SLC44A5: variants seen among roughly 807,000 people sequenced by gnomAD.
SLC44A5 encodes the protein solute carrier family 44 member 5.
In SLC44A5, 57 loss-of-function variants were observed where a neutral mutation model predicts 101.8. The observed-to-expected ratio is 0.56, with a 90% CI of 0.45 to 0.70. The LOEUF is 0.70. Ranked by LOEUF, SLC44A5 falls within the 30% of genes least tolerant of loss-of-function variation. SLC44A5 has a pLI of 0.00. For synonymous variants in SLC44A5, 281 were observed against 290.9 expected, an observed-to-expected ratio of 0.97 and a Z score of 0.35; for missense variants, 737 against 853.1, an observed-to-expected ratio of 0.86 and a Z score of 1.70.
At chr1:75,430,429 T>C (rs1404264075) in intron 2 of SLC44A5, among the ~76,000 whole-genome samples, 1 of 152,220 alleles carries the variant, frequency 6.6e-6, no homozygotes, top group Admixed American at 6.5e-5. Flanking sequence ...TATTTTGTTA[T>C]AGAAGCGCAA....
chr1:75,682,039 A>T, the SLC44A5 span, among the ~76,000 whole-genome samples: 1 of 152,200 alleles, frequency 6.6e-6, no homozygotes, highest in Non-Finnish European at 1.5e-5. Flanking sequence ...TAGGAATCCA[A>T]CTTACAAAGG....
intron 2 of SLC44A5, among the ~76,000 whole-genome samples, chr1:75,436,543 C>T (rs1005757803): frequency 2.0e-5 from 3 of 152,036 alleles, no homozygotes; most frequent in Non-Finnish European, 2.9e-5. Flanking sequence ...ATGGGAGATG[C>T]TTTGGGTGAG....
chr1:75,303,530 G>A (rs763330533), intron 4 of SLC44A5, among the ~76,000 whole-genome samples: 9 of 152,152 alleles, frequency 5.9e-5, no homozygotes, highest in African/African-American at 1.9e-4. Flanking sequence ...CACCGCACCC[G>A]GCGGAAGTTT....
the SLC44A5 span, among the ~76,000 whole-genome samples, chr1:75,697,541 C>T: frequency 3.3e-5 from 5 of 152,146 alleles, no homozygotes; most frequent in Admixed American, 3.3e-4. Flanking sequence ...AATCCTAGCA[C>T]TTTGGGAAGC....
chr1:75,485,928 C>T (rs933732870), intron 2 of SLC44A5, among the ~76,000 whole-genome samples: 3 of 152,012 alleles, frequency 2.0e-5, no homozygotes, highest in South Asian at 2.1e-4. Flanking sequence ...CACTTACTAT[C>T]GTAAGAACAG....
At chr1:75,492,553 T>C (rs1266211826) in intron 2 of SLC44A5, among the ~76,000 whole-genome samples, 1 of 152,140 alleles carries the variant, frequency 6.6e-6, no homozygotes, top group Non-Finnish European at 1.5e-5. Flanking sequence ...AAGGAAGATA[T>C]ACACTGCTAT....
At chr1:75,418,677 C>T (rs1203132245) in intron 2 of SLC44A5, among the ~76,000 whole-genome samples, 1 of 152,092 alleles carries the variant, frequency 6.6e-6, no homozygotes, top group Non-Finnish European at 1.5e-5. Context: ...AAGGCAGGAC[C>T]AGATCATGCA....
the SLC44A5 span, among the ~76,000 whole-genome samples, chr1:75,700,197 A>C: frequency 6.6e-6 from 1 of 152,174 alleles, no homozygotes; most frequent in African/African-American, 2.4e-5. Context: ...AATCAACAGA[A>C]TATACATTCT....
chr1:75,308,381 T>G (rs921857287), intron 4 of SLC44A5, among the ~76,000 whole-genome samples: 1 of 149,712 alleles, frequency 6.7e-6, no homozygotes, highest in Non-Finnish European at 1.5e-5. Flanking sequence ...GTAAAGAGAA[T>G]TGAAACCTGA....
At chr1:75,525,078 T>C (rs1328251330) in intron 2 of SLC44A5, among the ~76,000 whole-genome samples, 1 of 152,030 alleles carries the variant, frequency 6.6e-6, no homozygotes, top group Non-Finnish European at 1.5e-5. Context: ...ATTAGAAAAA[T>C]CACACTTTTT....
intron 2 of SLC44A5, among the ~76,000 whole-genome samples, chr1:75,478,966 C>A (rs1290069305): frequency 1.3e-5 from 2 of 152,182 alleles, no homozygotes; most frequent in African/African-American, 2.4e-5. Context: ...CAGCACCACA[C>A]CACACCTATT....
chr1:75,689,471 G>A, the SLC44A5 span, among the ~76,000 whole-genome samples: 33 of 152,248 alleles, frequency 2.2e-4, 1 homozygote, highest in South Asian at 4.4e-3. Flanking sequence ...GGTATGGCAG[G>A]ATTATACAGG....
intron 1 of SLC44A5, among the ~76,000 whole-genome samples, chr1:75,543,698 CAT>C (rs368645591): frequency 6.9e-6 from 1 of 145,710 alleles, no homozygotes; most frequent in African/African-American, 2.5e-5. Context: ...CATATATATA[CAT>C]ATATATATAT....
At chr1:75,681,881 C>A in the SLC44A5 span, among the ~76,000 whole-genome samples, 2 of 152,168 alleles carry the variant, frequency 1.3e-5, no homozygotes, top group South Asian at 4.1e-4. Flanking sequence ...CCCAAACTCT[C>A]CTTAAGCTGA....
At chr1:75,360,865 A>G (rs1557701423) in intron 3 of SLC44A5, among the ~76,000 whole-genome samples, 1 of 152,194 alleles carries the variant, frequency 6.6e-6, no homozygotes, top group Non-Finnish European at 1.5e-5. Flanking sequence ...AAATTTTGAT[A>G]GGGATTGCAC....
intron 1 of SLC44A5, chr1:75,582,118 C>A: frequency 1.4e-6 from 1 of 737,110 alleles, no homozygotes; most frequent in Non-Finnish European, 2.5e-6. Context: ...AAGAACCACA[C>A]CACACACAAC....
the SLC44A5 span, among the ~76,000 whole-genome samples, chr1:75,719,930 T>G: frequency 6.6e-6 from 1 of 152,112 alleles, no homozygotes; most frequent in Non-Finnish European, 1.5e-5. Context: ...TACACATGAA[T>G]TAGTGGAATG....
chr1:75,549,017 G>T (rs1266048471), intron 1 of SLC44A5, among the ~76,000 whole-genome samples: 1 of 152,068 alleles, frequency 6.6e-6, no homozygotes, highest in Non-Finnish European at 1.5e-5. Context: ...TATAATCTCA[G>T]CCAGGTTTCT....
rs1219063964 is a variant in SLC44A5, at chr1:75,290,640, A to G, written c.175+9972T>C. ...TACAAACTCATGCTCCTACCCTCCA[A>G]TCTCACAAAATTGGAAGCCAGAGGA... On this transcript the variant is annotated intron_variant, in intron 5 of 23. Transcript: ENST00000370859. Among the ~76,000 whole-genome samples, 3 of 152,268 alleles carry G rather than the reference A, an allele frequency of 2.0e-5. No homozygotes were observed. In the East Asian group the frequency reaches 5.8e-4, roughly 30 times the overall value.
Sources: allele counts gnomAD v4.1 joint callset (sites outside exome capture counted in the v4.1 genomes callset), GRCh38; gene constraint gnomAD v4.1.1; transcripts MANE v1.5; gene names NCBI Gene and HGNC (gene_info 2026-07-23, HGNC 2026-07-21).